Variants in SPATA2 observed in about 807,000 individuals in gnomAD.
SPATA2 encodes spermatogenesis-associated protein 2.
In SPATA2, 8 loss-of-function variants were observed where a neutral mutation model predicts 35.4. The ratio of observed to expected loss-of-function variants is 0.23; its 90% CI spans 0.13 to 0.41. The LOEUF (loss-of-function observed/expected upper bound fraction) is 0.41, where lower values mean the gene tolerates loss of function less well. SPATA2 is among the 10% of genes least tolerant of loss of function. The pLI is 1.00. For missense variants in SPATA2, 650 were observed against 698.7 expected (o/e 0.93, Z 0.79); for synonymous variants, 293 against 300.9 (o/e 0.97, Z 0.27).
chr20:49,907,358 A>C (rs1476239436), intron 2 of SPATA2, among the ~76,000 whole-genome samples: 1 of 152,144 alleles, frequency 6.6e-6, no homozygotes, highest in African/African-American at 2.4e-5. Flanking sequence ...CGCGCCTGGC[A>C]GCAGCTACTT....
chr20:49,903,707 G>C lies in SPATA2; in HGVS notation c.*1912C>G, dbSNP rs549355184. ...GGTTGGTTAGAAAGAGTTAGTTACT[G>C]TAATGCTGGCGCAATCTGGAAATGG... On this transcript the variant is annotated 3_prime_UTR_variant, in exon 3 of 3. Coordinates refer to ENST00000289431, the MANE Select transcript of SPATA2 (RefSeq NM_006038.4). 1 of 152,098 alleles carries C rather than the reference G, an allele frequency of 6.6e-6. No individual in the cohort carries two copies. Among genetic ancestry groups the C allele is most frequent in the East Asian group, 1.9e-4 (1 of 5,170 alleles). 9.4% of individuals were successfully genotyped at this position (152,098 alleles called of 1,614,324 possible). A position where few individuals can be genotyped will look rare whatever the true frequency, so the allele number is the denominator to read the frequency against.
At position 49,904,750 on chromosome 20, in the gene SPATA2, T is replaced by G. The variant is rs1257119353; in HGVS notation, c.*869A>C. 6.6e-6 allele frequency: 1 copy of G among 152,616 alleles called. No homozygotes were observed. The highest frequency in any genetic ancestry group is 2.4e-5 in the African/African-American group (1 of 41,434). 9.5% of individuals were successfully genotyped at this position (152,616 alleles called of 1,614,324 possible). A position where few individuals can be genotyped will look rare whatever the true frequency, so the allele number is the denominator to read the frequency against. ...TACAACACGAATGGGCGCGAGGCCC[T>G]CCCTTGGAAGACTAAAGAACCCAGG... is the stretch of plus-strand genomic sequence containing the variant. On this transcript the variant is annotated 3_prime_UTR_variant, in exon 3 of 3. Transcript: ENST00000289431.
chr20:49,911,654 G>A (rs928738309), intron 1 of SPATA2, among the ~76,000 whole-genome samples: 6 of 150,092 alleles, frequency 4.0e-5, no homozygotes, highest in Non-Finnish European at 7.4e-5. Context: ...GCAACAGAGC[G>A]AGACTCCGTC....
At position 49,903,898 on chromosome 20, in the gene SPATA2, G is replaced by GATTATAT. The variant is rs2090121564; in HGVS notation, c.*1720_*1721insATATAAT. The GATTATAT allele has an allele frequency of 1.4e-4, 12 of 86,126 alleles. No homozygotes were observed. Among genetic ancestry groups the GATTATAT allele is most frequent in the African/African-American group, 1.9e-4 (4 of 21,498 alleles). 5.3% of individuals were successfully genotyped at this position (86,126 alleles called of 1,614,324 possible). A position where few individuals can be genotyped will look rare whatever the true frequency, so the allele number is the denominator to read the frequency against. On this transcript the variant is annotated 3_prime_UTR_variant, in exon 3 of 3. Coordinates refer to ENST00000289431, the MANE Select transcript of SPATA2 (RefSeq NM_006038.4). ...CTGTACATCTACATGTGATCTACCA[G>GATTATAT]ATAGATATATATATATATATATATA...
In SPATA2 at chr20:49,905,993, G is replaced by A. The variant is rs201467660; in HGVS notation, c.1189C>T (p.Arg397Cys). The change falls in exon 3 of 3, where the codon CGC (arginine) becomes TGC (cysteine). Residue 397 changes from arginine (R) to cysteine (C), a missense_variant. Arg to Cys is a radical substitution (Grantham distance 180). Coordinates refer to ENST00000289431, the MANE Select transcript of SPATA2 (RefSeq NM_006038.4). ...GLSCSSSLCQ[R>C]CDSLLTCPPA... ...GGACAGGTGAGCAGGCTGTCACAGC[G>A]CTGGCAGAGGGAGGAGCTGCAGGAC... 3.5e-4 allele frequency: 566 copies of A among 1,607,198 alleles called. 1 individual carries two copies. Among genetic ancestry groups the A allele is most frequent in the Non-Finnish European group, 4.6e-4 (539 of 1,179,766 alleles).
rs745309286 is a variant in SPATA2, at chr20:49,906,722, C to G, written c.460G>C (p.Val154Leu). 1.9e-6 allele frequency: 3 copies of G among 1,614,100 alleles called. No individual in the cohort carries two copies. The highest frequency in any genetic ancestry group is 2.5e-6 in the Non-Finnish European group (3 of 1,180,052). ...ACCATCTTCACCTGGAGGGTCTCCACGAGCTCTCTGAGCTTGTATGCAGTG... is the reference window on the plus strand; with the variant it reads ...ACCATCTTCACCTGGAGGGTCTCCAGGAGCTCTCTGAGCTTGTATGCAGTG... The part of the protein sequence containing the change: ...LGTAYKLREL[V>L]ETLQVKMVSF... Residue 154 changes from valine (V) to leucine (L), a missense_variant, in exon 3 of 3, where the codon GTG becomes CTG. By Grantham distance (32) the Val-to-Leu change is conservative. Coordinates refer to ENST00000289431, the MANE Select transcript of SPATA2 (RefSeq NM_006038.4). This position sits in a 1 kb window ranked among gnomAD's most constrained non-coding sequence, Gnocchi z 8.2.
Position 49,905,868 on chromosome 20 carries a change from C to G in SPATA2, c.1314G>C (p.Gln438His), listed in dbSNP as rs2090138584. 6.2e-7 allele frequency: 1 copy of G among 1,613,578 alleles called. No homozygotes were observed. Among genetic ancestry groups the G allele is most frequent in the East Asian group, 2.2e-5 (1 of 44,874 alleles). Residue 438 changes from glutamine to histidine, a missense_variant, in exon 3 of 3, where the codon CAG becomes CAC. Coordinates refer to ENST00000289431, the MANE Select transcript of SPATA2 (RefSeq NM_006038.4). Reference protein sequence around the residue: ...SLREKYPGQTQGLDRLPHLHS... With the variant: ...SLREKYPGQTHGLDRLPHLHS... ...GAAGGTGCGGGAGGCGGTCGAGGCC[C>G]TGAGTCTGGCCTGGGTACTTCTCCC... is the stretch of plus-strand genomic sequence containing the variant.
In SPATA2 at chr20:49,906,616, G is replaced by C; in HGVS notation, c.566C>G (p.Ser189Cys). Residue 189 changes from serine to cysteine, a missense_variant, in exon 3 of 3, where the codon TCC (serine) becomes TGC (cysteine). Coordinates refer to ENST00000289431, the MANE Select transcript of SPATA2 (RefSeq NM_006038.4). The surrounding 1 kb of genome is among the most constrained non-coding windows in gnomAD (Gnocchi z 8.2). ...IHSQVKDKGY[S>C]ELDIVSERKS... ...GCGCTCGCTCACAATGTCCAGCTCG[G>C]AGTAGCCCTTGTCCTTCACTTGTGA... The C allele has an allele frequency of 1.2e-6, 2 of 1,614,232 alleles. No homozygotes were observed. Among genetic ancestry groups the C allele is most frequent in the Non-Finnish European group, 1.7e-6 (2 of 1,180,044 alleles).
chr20:49,910,633 T>C (rs1453226125), intron 1 of SPATA2, among the ~76,000 whole-genome samples: 7 of 152,116 alleles, frequency 4.6e-5, no homozygotes, highest in East Asian at 1.9e-4. Context: ...GGGCCTGGCA[T>C]GTGGGGGACT....
rs753404363 is a variant in SPATA2, at chr20:49,906,347, C to A, written c.835G>T (p.Val279Leu). The A allele has an allele frequency of 9.3e-6, 15 of 1,612,292 alleles. No homozygotes were observed. The highest frequency in any genetic ancestry group is 1.3e-5 in the Non-Finnish European group (15 of 1,178,858). ...KASLSLRKEP[V>L]ATDVGDDLKD... is the part of the protein sequence containing the mutation. ...AGGTCGTCCCCCACATCCGTTGCCA[C>A]AGGCTCCTTCCGAAGACTCAATGAG... The change falls in exon 3 of 3, where the codon GTG (valine) becomes TTG (leucine). Residue 279 changes from valine to leucine, a missense_variant. Coordinates refer to ENST00000289431, the MANE Select transcript of SPATA2 (RefSeq NM_006038.4). The surrounding 1 kb of genome is among the most constrained non-coding windows in gnomAD (Gnocchi z 8.2).
In SPATA2 at chr20:49,906,324, G is replaced by A; in HGVS notation, c.858C>T (p.Asp286=). Residue 286 remains aspartate (D), a synonymous_variant, in exon 3 of 3, where the codon GAC becomes GAT. Coordinates refer to ENST00000289431, the MANE Select transcript of SPATA2 (RefSeq NM_006038.4). This position sits in a 1 kb window ranked among gnomAD's most constrained non-coding sequence, Gnocchi z 8.2. ...KEPVATDVGD[D]LKDEIIRPSP... is the part of the protein sequence containing the mutation. ...ATGGGCGGATGATCTCATCCTTGAGGTCGTCCCCCACATCCGTTGCCACAG... is the reference window on the plus strand; with the variant it reads ...ATGGGCGGATGATCTCATCCTTGAGATCGTCCCCCACATCCGTTGCCACAG... 2 of 1,605,630 alleles carry A rather than the reference G, an allele frequency of 1.2e-6. No homozygotes were observed. Among genetic ancestry groups the A allele is most frequent in the Non-Finnish European group, 1.7e-6 (2 of 1,175,140 alleles).
chr20:49,906,339 C>T lies in SPATA2; in HGVS notation c.843G>A (p.Thr281=), dbSNP rs1026667410. The T allele has an allele frequency of 1.9e-6, 3 of 1,610,632 alleles. No individual in the cohort carries two copies. The highest frequency in any genetic ancestry group is 2.5e-6 in the Non-Finnish European group (3 of 1,177,972). ...SLSLRKEPVA[T]DVGDDLKDEI... ...CATCCTTGAGGTCGTCCCCCACATCCGTTGCCACAGGCTCCTTCCGAAGAC... is the reference window on the plus strand; with the variant it reads ...CATCCTTGAGGTCGTCCCCCACATCTGTTGCCACAGGCTCCTTCCGAAGAC... Residue 281 remains threonine, a synonymous_variant, in exon 3 of 3, where the codon ACG becomes ACA. Coordinates refer to ENST00000289431, the MANE Select transcript of SPATA2 (RefSeq NM_006038.4). The surrounding 1 kb of genome is among the most constrained non-coding windows in gnomAD (Gnocchi z 8.2).
chr20:49,905,906 C>T lies in SPATA2; in HGVS notation c.1276G>A (p.Gly426Arg), dbSNP rs771563644. 212 of 1,612,258 alleles carry T rather than the reference C, an allele frequency of 1.3e-4. No individual in the cohort carries two copies. The highest frequency in any genetic ancestry group is 4.4e-4 in the South Asian group (40 of 91,070). The change falls in exon 3 of 3, where the codon GGG (glycine) becomes AGG (arginine). Residue 426 changes from glycine (G) to arginine (R), a missense_variant. Gly to Arg is a moderately radical substitution (Grantham distance 125, BLOSUM62 -2). Transcript: ENST00000289431. ...KASTHDSLAHGASLREKYPGQ... is the reference protein window; with the variant it reads ...KASTHDSLAHRASLREKYPGQ... Reference sequence around the variant, plus strand: ...GGGTACTTCTCCCGCAGAGATGCCCCGTGGGCCAGGCTGTCATGAGTCGAG... The same window carrying T: ...GGGTACTTCTCCCGCAGAGATGCCCTGTGGGCCAGGCTGTCATGAGTCGAG...
Position 49,908,254 on chromosome 20 carries a change from G to C in SPATA2, c.237C>G (p.Ser79=). 1 of 1,614,166 alleles carries C rather than the reference G, an allele frequency of 6.2e-7. No homozygotes were observed. The highest frequency in any genetic ancestry group is 8.5e-7 in the Non-Finnish European group (1 of 1,180,020). The change falls in exon 2 of 3, where the codon TCC becomes TCG. Residue 79 remains serine (S), a synonymous_variant. Transcript: ENST00000289431. ...VVESSLRSLS[S]SSLRALHGAF... is the part of the protein sequence containing the mutation. The stretch of plus-strand genomic sequence containing the variant: ...CGCCGTGCAGAGCCCGCAGGCTAGA[G>C]GAGCTGAGCGAGCGCAAGGAGCTCT...
At chr20:49,909,489 T>C (rs994142839) in intron 1 of SPATA2, among the ~76,000 whole-genome samples, 5 of 151,706 alleles carry the variant, frequency 3.3e-5, no homozygotes, top group African/African-American at 1.2e-4. Context: ...GAGGATGGCT[T>C]GAGTCCAGGA....
rs1257016465 is a variant in SPATA2 at position 49,903,916 on chromosome 20, T to G, written c.*1703A>C. 157 of 33,094 alleles carry G rather than the reference T, an allele frequency of 4.7e-3. No individual in the cohort carries two copies. Among genetic ancestry groups the G allele is most frequent in the African/African-American group, 0.011 (127 of 11,772 alleles). The allele number at this position is 33,094 out of a possible 1,614,324, so 2.1% of individuals were successfully genotyped here. On this transcript the variant is annotated 3_prime_UTR_variant, in exon 3 of 3. Coordinates refer to ENST00000289431, the MANE Select transcript of SPATA2 (RefSeq NM_006038.4). ...TCTACCAGATAGATATATATATATA[T>G]ATATATATATATATATATATATATA... is the stretch of plus-strand genomic sequence containing the variant.
chr20:49,905,821 G>A lies in SPATA2; in HGVS notation c.1361C>T (p.Thr454Ile), dbSNP rs780356912. ...PHLHSKSKPS[T>I]TPTSRCGFCN... ...GAAGCCACAGCGGGAAGTGGGCGTG[G>A]TGGAGGGCTTGGATTTGGAGTGAAG... Residue 454 changes from threonine (T) to isoleucine (I), a missense_variant, in exon 3 of 3, where the codon ACC (threonine) becomes ATC (isoleucine). Coordinates refer to ENST00000289431, the MANE Select transcript of SPATA2 (RefSeq NM_006038.4). 5.6e-6 allele frequency: 9 copies of A among 1,614,094 alleles called. No individual in the cohort carries two copies. The highest frequency in any genetic ancestry group is 7.6e-6 in the Non-Finnish European group (9 of 1,180,036).
intron 1 of SPATA2, chr20:49,913,603 G>T (rs2090193261): frequency 6.6e-6 from 1 of 152,154 alleles, no homozygotes; most frequent in African/African-American, 2.4e-5. Flanking sequence ...AGCTCTACTC[G>T]AAAGTGTTTG....
intron 1 of SPATA2, among the ~76,000 whole-genome samples, chr20:49,912,177 G>T (rs2090185376): frequency 6.6e-6 from 1 of 152,220 alleles, no homozygotes; most frequent in Admixed American, 6.5e-5. Flanking sequence ...ATGCAGGCCA[G>T]GCGCGGTGGC....
Sources: gnomAD v4.1 joint callset for allele counts (sites outside exome capture counted in the v4.1 genomes callset) on GRCh38, gnomAD v4.1.1 for gene constraint, Gnocchi (gnomAD v3.1) non-coding constraint, MANE v1.5 for transcripts, NCBI Gene and HGNC (gene_info 2026-07-23, HGNC 2026-07-21) for gene names.